The following SHROOM4 variants were observed in gnomAD, a reference collection of about 807,000 sequenced individuals.
SHROOM4 encodes the protein protein Shroom4.
Under a neutral mutation model 80.3 loss-of-function variants are expected in SHROOM4, and 17 were observed. The ratio of observed to expected loss-of-function variants is 0.21; its 90% CI spans 0.14 to 0.32. The LOEUF is 0.32. SHROOM4 is among the 10% of genes least tolerant of loss of function. The probability of loss-of-function intolerance (pLI) is 1.00; values close to 1 mark genes in which losing one functional copy is unlikely to be tolerated. For missense variants in SHROOM4, 993 were observed against 1,140.3 expected (o/e 0.87, Z 1.86); for synonymous variants, 400 against 437.5 (o/e 0.91, Z 1.07).
In SHROOM4 at chrX:50,634,762, TG is replaced by T; in HGVS notation, c.1310del (p.Pro437HisfsTer49). 8.3e-7 allele frequency: 1 copy of T among 1,211,561 alleles called. No individual in the cohort carries two copies. The highest frequency in any genetic ancestry group is 1.1e-6 in the Non-Finnish European group (1 of 895,471). On this transcript the variant is annotated frameshift_variant, in exon 4 of 9. Transcript: ENST00000376020. LOFTEE classifies it high-confidence loss of function. The part of the protein sequence containing the change: ...DTRGSKGMEL[P>X]PVQDGHQWTL... ...TCCACTGGTGCCCATCCTGTACGGG[TG>T]GGAGCTCCATCCCTTTGCTGCCCCT...
In SHROOM4 at chrX:50,594,945, T is replaced by C. The variant is rs1929032741; in HGVS notation, c.*1750A>G. The C allele has an allele frequency of 8.9e-6, 1 of 112,432 alleles. No homozygotes were observed. Among genetic ancestry groups the C allele is most frequent in the Non-Finnish European group, 1.9e-5 (1 of 53,201 alleles). The allele number at this position is 112,432 out of a possible 1,213,427, so 9.3% of individuals were successfully genotyped here. ...ACCCTGCTGGCCAAGATTCTCCCATTGTTTTCAAATACAATGAAGAGGAAA... is the reference window on the plus strand; with the variant it reads ...ACCCTGCTGGCCAAGATTCTCCCATCGTTTTCAAATACAATGAAGAGGAAA... On this transcript the variant is annotated 3_prime_UTR_variant, in exon 9 of 9. Transcript: ENST00000376020.
chrX:50,635,862 A>G (rs1931334973), intron 3 of SHROOM4, among the ~76,000 whole-genome samples, 194 bp from the exon 4 acceptor site: 1 of 109,955 alleles, frequency 9.1e-6, no homozygotes, highest in Non-Finnish European at 1.9e-5. Flanking sequence ...AATGGGACAC[A>G]AGATGATATA....
At chrX:50,688,990 T>C (rs1470492860) in intron 2 of SHROOM4, among the ~76,000 whole-genome samples, 1 of 111,563 alleles carries the variant, frequency 9.0e-6, no homozygotes, top group Non-Finnish European at 1.9e-5. Flanking sequence ...GCAAAAAATC[T>C]AGTTTTTATT....
At chrX:50,623,084 T>C (rs1283441706) in intron 5 of SHROOM4, among the ~76,000 whole-genome samples, 1 of 112,295 alleles carries the variant, frequency 8.9e-6, no homozygotes, top group Admixed American at 9.4e-5. Context: ...GGGCCACATT[T>C]TGAGAACCAC....
At chrX:50,663,298 G>C (rs2147373655) in intron 2 of SHROOM4, among the ~76,000 whole-genome samples, 1 of 111,813 alleles carries the variant, frequency 8.9e-6, no homozygotes, top group East Asian at 2.8e-4. Context: ...GGTCTGACTG[G>C]CTCAAACCTG....
At chrX:50,724,611 T>C (rs1476595854) in intron 1 of SHROOM4, among the ~76,000 whole-genome samples, 2 of 112,360 alleles carry the variant, frequency 1.8e-5, no homozygotes, top group Non-Finnish European at 3.8e-5. Context: ...ATGACAGGCA[T>C]GCGCCACCAC....
intron 7 of SHROOM4, among the ~76,000 whole-genome samples, chrX:50,602,012 A>G (rs1327011016): frequency 8.9e-6 from 1 of 111,756 alleles, no homozygotes; most frequent in African/African-American, 3.3e-5. Flanking sequence ...TTAGTCTGTA[A>G]TCCCTGGGCA....
In SHROOM4 at chrX:50,596,550, G is replaced by T; in HGVS notation, c.*145C>A. 1.2e-6 allele frequency: 1 copy of T among 810,269 alleles called. No individual in the cohort carries two copies. Among genetic ancestry groups the T allele is most frequent in the East Asian group, 3.4e-5 (1 of 29,548 alleles). 66.8% of individuals were successfully genotyped at this position (810,269 alleles called of 1,213,427 possible). ...CCTAGCTGGTTAGGACCACTGCTAG[G>T]GAAGGGGTAGTGAGAGACATCCAGG... is the stretch of plus-strand genomic sequence containing the variant. On this transcript the variant is annotated 3_prime_UTR_variant, in exon 9 of 9. Transcript: ENST00000376020.
chrX:50,760,188 T>C (rs1166807402), intron 1 of SHROOM4, among the ~76,000 whole-genome samples: 1 of 111,444 alleles, frequency 9.0e-6, no homozygotes, highest in Non-Finnish European at 1.9e-5. Context: ...GAATTGTCTA[T>C]TTTATCTTCA....
chrX:50,674,708 T>C (rs1557261131), intron 2 of SHROOM4, among the ~76,000 whole-genome samples: 2 of 111,832 alleles, frequency 1.8e-5, no homozygotes, highest in African/African-American at 3.2e-5. Context: ...CAAAAGTATA[T>C]ATTAATTCAT....
chrX:50,794,728 C>A (rs926472514), intron 1 of SHROOM4, among the ~76,000 whole-genome samples: 2 of 107,025 alleles, frequency 1.9e-5, no homozygotes, highest in Admixed American at 1.0e-4. Flanking sequence ...TACCTACCTA[C>A]CTATTTATCT....
At chrX:50,778,331 A>T (rs1557270320) in intron 1 of SHROOM4, among the ~76,000 whole-genome samples, 1 of 112,246 alleles carries the variant, frequency 8.9e-6, no homozygotes, top group Non-Finnish European at 1.9e-5. Flanking sequence ...TACGTAGTAG[A>T]CCCTCATTGC....
chrX:50,668,090 G>T (rs936503698), intron 2 of SHROOM4, among the ~76,000 whole-genome samples: 1 of 112,123 alleles, frequency 8.9e-6, no homozygotes, highest in Admixed American at 9.4e-5. Flanking sequence ...TCCTCCTCCA[G>T]GTGTTGGTAG....
chrX:50,756,314 A>G (rs1400563773), intron 1 of SHROOM4, among the ~76,000 whole-genome samples: 1 of 112,228 alleles, frequency 8.9e-6, no homozygotes, highest in Non-Finnish European at 1.9e-5. Context: ...AGTAGCATAT[A>G]ATACTGCTTC....
At chrX:50,787,027 G>T (rs1178465427) in intron 1 of SHROOM4, among the ~76,000 whole-genome samples, 1 of 110,418 alleles carries the variant, frequency 9.1e-6, no homozygotes, top group African/African-American at 3.3e-5. Flanking sequence ...GACCAGCCTC[G>T]GCAACATAGT....
At chrX:50,736,316 G>A (rs1419558119) in intron 1 of SHROOM4, among the ~76,000 whole-genome samples, 7 of 110,852 alleles carry the variant, frequency 6.3e-5, no homozygotes, top group African/African-American at 2.3e-4. Flanking sequence ...ATAGGTAAAC[G>A]TGTGCCATGG....
At chrX:50,787,180 C>G (rs1188540486) in intron 1 of SHROOM4, among the ~76,000 whole-genome samples, 1 of 108,910 alleles carries the variant, frequency 9.2e-6, no homozygotes, top group Non-Finnish European at 1.9e-5. Context: ...GATTTTGCCA[C>G]TGCACACCAG....
intron 1 of SHROOM4, among the ~76,000 whole-genome samples, chrX:50,747,462 G>T (rs1006310678): frequency 1.8e-5 from 2 of 111,928 alleles, no homozygotes. Context: ...ACAAATGCTG[G>T]ATTACATTCC....
chrX:50,761,191 AC>A (rs1394922821), intron 1 of SHROOM4, among the ~76,000 whole-genome samples: 10 of 109,180 alleles, frequency 9.2e-5, no homozygotes, highest in African/African-American at 3.3e-4. Context: ...CCCTCCTCTC[AC>A]CCTCCATCCT....
Sources: allele counts gnomAD v4.1 joint callset (sites outside exome capture counted in the v4.1 genomes callset), GRCh38; gene constraint gnomAD v4.1.1; transcripts MANE v1.5; gene names NCBI Gene and HGNC (gene_info 2026-07-23, HGNC 2026-07-21).